Variants in TCF12 observed in about 807,000 individuals in gnomAD.
TCF12 encodes DNA-binding protein HTF4.
A neutral mutation model predicts 86.0 loss-of-function variants in TCF12; 45 were observed. That is an observed-to-expected ratio of 0.52 (90% CI 0.41 to 0.67). The LOEUF is 0.67. Among genes scored for constraint, TCF12 ranks in the 30% least tolerant of loss-of-function variants. The pLI, the probability that TCF12 is intolerant of heterozygous loss-of-function variation, is 0.00. For synonymous variants in TCF12, 330 were observed against 299.6 expected (o/e 1.10, Z -1.05); for missense variants, 881 against 859.9 (o/e 1.02, Z -0.31).
chr15:56,947,100 A>C (rs770645695), intron 3 of TCF12, among the ~76,000 whole-genome samples: 2 of 152,182 alleles, frequency 1.3e-5, no homozygotes, highest in Non-Finnish European at 2.9e-5. Flanking sequence ...GTCCTGCCTT[A>C]GAGAAACTTT....
chr15:57,122,833 C>T (rs965822491), intron 5 of TCF12, among the ~76,000 whole-genome samples: 2 of 152,164 alleles, frequency 1.3e-5, no homozygotes, highest in African/African-American at 4.8e-5. Flanking sequence ...GAGTGAGGCT[C>T]ATAAATTAGG....
At chr15:57,053,009 G>A (rs1382395397) in intron 3 of TCF12, among the ~76,000 whole-genome samples, 1 of 152,066 alleles carries the variant, frequency 6.6e-6, no homozygotes, top group Non-Finnish European at 1.5e-5. Context: ...TGATAGTTCT[G>A]TTTTTAATTT....
intron 5 of TCF12, among the ~76,000 whole-genome samples, chr15:57,113,118 T>G (rs1396624256): frequency 6.6e-6 from 1 of 152,214 alleles, no homozygotes; most frequent in Non-Finnish European, 1.5e-5. Context: ...CTTTGTTTTT[T>G]TCTCATCTTC....
intron 4 of TCF12, 52 bp downstream of exon 4, chr15:57,063,875 A>C (rs780732101): frequency 8.7e-6 from 12 of 1,378,664 alleles, no homozygotes; most frequent in Admixed American, 1.8e-5. Flanking sequence ...CAGACTACGT[A>C]ATTTCTTTCA....
intron 3 of TCF12, among the ~76,000 whole-genome samples, chr15:56,939,257 A>G (rs1436154473): frequency 6.6e-6 from 1 of 152,108 alleles, no homozygotes; most frequent in Non-Finnish European, 1.5e-5. Flanking sequence ...GCATTCACTT[A>G]TTTTAAGGAC....
intron 5 of TCF12, among the ~76,000 whole-genome samples, chr15:57,160,211 T>C (rs1181467946): frequency 6.6e-6 from 1 of 152,198 alleles, no homozygotes; most frequent in Admixed American, 6.5e-5. Flanking sequence ...AGAGGTTTAA[T>C]TGACTCACAG....
At chr15:56,959,194 T>G (rs2061634407) in intron 3 of TCF12, among the ~76,000 whole-genome samples, 1 of 152,262 alleles carries the variant, frequency 6.6e-6, no homozygotes, top group Admixed American at 6.5e-5. Context: ...TAATACTTGT[T>G]TATTTAAAAA....
At chr15:57,080,677 A>G (rs1490676027) in intron 4 of TCF12, among the ~76,000 whole-genome samples, 1 of 152,090 alleles carries the variant, frequency 6.6e-6, no homozygotes, top group Non-Finnish European at 1.5e-5. Flanking sequence ...TCTGTGAATA[A>G]TTTCCTTTTT....
At chr15:57,284,333 G>A (rs530362967) in intron 20 of TCF12, among the ~76,000 whole-genome samples, 1 of 151,940 alleles carries the variant, frequency 6.6e-6, no homozygotes, top group South Asian at 2.1e-4. Context: ...TCAGCCTCCT[G>A]AGTAGCTGGG....
chr15:57,032,107 A>G (rs2066233484), intron 3 of TCF12, among the ~76,000 whole-genome samples: 1 of 152,226 alleles, frequency 6.6e-6, no homozygotes, highest in Non-Finnish European at 1.5e-5. Context: ...AAGAGAGGAA[A>G]GAGCTTGGGA....
intron 5 of TCF12, among the ~76,000 whole-genome samples, chr15:57,102,550 A>T (rs772409407): frequency 6.6e-6 from 1 of 151,954 alleles, no homozygotes; most frequent in Non-Finnish European, 1.5e-5. Context: ...GTGAGCCAAG[A>T]TCGCATGACT....
chr15:57,165,134 C>CTGTCTGTG (rs1555524380), intron 5 of TCF12, among the ~76,000 whole-genome samples: 62 of 147,220 alleles, frequency 4.2e-4, no homozygotes, highest in Admixed American at 2.6e-3. Flanking sequence ...GAATGTATGT[C>CTGTCTGTG]TGTGTGTGTG....
intron 3 of TCF12, among the ~76,000 whole-genome samples, chr15:57,018,664 C>G (rs1415496749): frequency 1.3e-5 from 2 of 152,020 alleles, no homozygotes; most frequent in South Asian, 2.1e-4. Flanking sequence ...TGGTCTTGAA[C>G]TCCTGAGCTC....
intron 13 of TCF12, among the ~76,000 whole-genome samples, chr15:57,246,076 A>G (rs2059845439): frequency 6.6e-6 from 1 of 152,160 alleles, no homozygotes; most frequent in Non-Finnish European, 1.5e-5. Flanking sequence ...ATATGTGGAC[A>G]TTATTTTGCA....
intron 6 of TCF12, among the ~76,000 whole-genome samples, chr15:57,168,559 C>G (rs538212100): frequency 6.6e-6 from 1 of 152,274 alleles, no homozygotes; most frequent in South Asian, 2.1e-4. Flanking sequence ...TAGTTGATAT[C>G]AGAACTCATT....
chr15:57,097,235 T>G (rs2049387310), intron 5 of TCF12, among the ~76,000 whole-genome samples: 1 of 152,182 alleles, frequency 6.6e-6, no homozygotes, highest in Admixed American at 6.5e-5. Context: ...AATACAACCC[T>G]GCCCTCAAAA....
At chr15:57,185,323 G>A (rs2056604207) in intron 6 of TCF12, among the ~76,000 whole-genome samples, 1 of 152,178 alleles carries the variant, frequency 6.6e-6, no homozygotes, top group Non-Finnish European at 1.5e-5. Flanking sequence ...AGAAACTGAA[G>A]CATTAAATGG....
At chr15:56,967,121 C>G (rs1288395204) in intron 3 of TCF12, among the ~76,000 whole-genome samples, 1 of 146,440 alleles carries the variant, frequency 6.8e-6, no homozygotes, top group East Asian at 2.0e-4. Flanking sequence ...GACTCGGTCC[C>G]CCCGTGCCCT....
At chr15:57,161,915 A>G (rs1279549427) in intron 5 of TCF12, among the ~76,000 whole-genome samples, 1 of 152,232 alleles carries the variant, frequency 6.6e-6, no homozygotes. Flanking sequence ...TTTTAAAAGA[A>G]CATTTTGATG....
Sources: allele counts gnomAD v4.1 joint callset (sites outside exome capture counted in the v4.1 genomes callset), GRCh38; gene constraint gnomAD v4.1.1; transcripts MANE v1.5; gene names NCBI Gene and HGNC (gene_info 2026-07-23, HGNC 2026-07-21).